Variants in EYA3 observed in about 807,000 individuals in gnomAD.
EYA3 encodes the protein protein phosphatase EYA3.
Under a neutral mutation model 80.0 loss-of-function variants are expected in EYA3, and 39 were observed. The observed-to-expected ratio is 0.49, with a 90% CI of 0.38 to 0.64. EYA3 has a LOEUF of 0.64. Ranked by LOEUF, EYA3 falls within the 30% of genes least tolerant of loss-of-function variation. EYA3 has a pLI of 0.00. For synonymous variants in EYA3, 206 were observed against 232.8 expected, an observed-to-expected ratio of 0.88 and a Z score of 1.05; for missense variants, 523 against 676.1, an observed-to-expected ratio of 0.77 and a Z score of 2.51.
intron 14 of EYA3, among the ~76,000 whole-genome samples, chr1:27,992,107 T>C (rs1215596106): frequency 2.6e-5 from 4 of 152,144 alleles, no homozygotes; most frequent in Admixed American, 2.6e-4. Flanking sequence ...TGAACCAAAT[T>C]GATCTGTAAA....
At chr1:28,022,537 G>T (rs1397193850) in intron 7 of EYA3, among the ~76,000 whole-genome samples, 1 of 152,136 alleles carries the variant, frequency 6.6e-6, no homozygotes, top group African/African-American at 2.4e-5. Flanking sequence ...CAGAGCTCAA[G>T]AAATCAGTAA....
chr1:28,031,612 T>A (rs926679754), intron 6 of EYA3, among the ~76,000 whole-genome samples: 1 of 152,200 alleles, frequency 6.6e-6, no homozygotes, highest in African/African-American at 2.4e-5. Flanking sequence ...ATCAGTTCAA[T>A]TTATAGTAAC....
At chr1:28,001,493 A>C (rs1021027113) in intron 11 of EYA3, among the ~76,000 whole-genome samples, 1 of 144,328 alleles carries the variant, frequency 6.9e-6, no homozygotes, top group Non-Finnish European at 1.5e-5. Context: ...TCACGCCTGT[A>C]ATCGCAGCAC....
intron 1 of EYA3, among the ~76,000 whole-genome samples, chr1:28,078,213 T>C (rs1330137791): frequency 6.6e-6 from 1 of 152,226 alleles, no homozygotes; most frequent in Non-Finnish European, 1.5e-5. Context: ...ATTAAAACTA[T>C]TAAGATTACG....
chr1:28,039,013 C>T, intron 4 of EYA3, 108 bp from the exon 5 acceptor site: 4 of 581,324 alleles, frequency 6.9e-6, no homozygotes, highest in Admixed American at 2.8e-5. Flanking sequence ...TAACAGAATA[C>T]AGCTTGGACA....
chr1:27,996,063 G>A (rs542707584), intron 13 of EYA3, among the ~76,000 whole-genome samples: 15 of 152,214 alleles, frequency 9.9e-5, no homozygotes, highest in African/African-American at 3.6e-4. Flanking sequence ...AGTAGAGACG[G>A]GGTTTCGCCA....
intron 1 of EYA3, among the ~76,000 whole-genome samples, chr1:28,084,951 A>G (rs1645598281): frequency 6.6e-6 from 1 of 152,086 alleles, no homozygotes; most frequent in Non-Finnish European, 1.5e-5. Context: ...TACATGAGCT[A>G]AAGTATCCTG....
chr1:28,053,264 C>T (rs896429598), intron 2 of EYA3, among the ~76,000 whole-genome samples: 53 of 151,158 alleles, frequency 3.5e-4, no homozygotes, highest in African/African-American at 1.2e-3. Flanking sequence ...AACTACTGCA[C>T]TGTATACGCT....
intron 16 of EYA3, among the ~76,000 whole-genome samples, chr1:27,981,809 T>C (rs1639324245): frequency 6.6e-6 from 1 of 151,782 alleles, no homozygotes; most frequent in Admixed American, 6.6e-5. Context: ...AACGAAGCTT[T>C]GTAAAATCTT....
intron 1 of EYA3, among the ~76,000 whole-genome samples, chr1:28,088,093 C>T (rs1224840458): frequency 6.6e-6 from 1 of 152,140 alleles, no homozygotes; most frequent in African/African-American, 2.4e-5. Flanking sequence ...TAGGGAGAGG[C>T]TCAGTTTCTC....
intron 10 of EYA3, among the ~76,000 whole-genome samples, chr1:28,007,239 C>T (rs1322757014): frequency 1.3e-5 from 2 of 151,394 alleles, no homozygotes; most frequent in Non-Finnish European, 2.9e-5. Context: ...TGTCCCTGGC[C>T]GATGTGATCT....
intron 11 of EYA3, among the ~76,000 whole-genome samples, chr1:28,002,768 C>T (rs1053465680): frequency 2.6e-5 from 4 of 151,744 alleles, no homozygotes; most frequent in East Asian, 1.9e-4. Context: ...GCTGTGTTTG[C>T]GCCACTGTAC....
intron 3 of EYA3, among the ~76,000 whole-genome samples, chr1:28,048,038 G>T (rs1479006335): frequency 6.6e-6 from 1 of 151,918 alleles, no homozygotes; most frequent in African/African-American, 2.4e-5. Context: ...TATTTATTTC[G>T]CTTATGCTTC....
chr1:28,027,658 A>G (rs1642865195), intron 7 of EYA3, 131 bp downstream of exon 7: 1 of 1,172,042 alleles, frequency 8.5e-7, no homozygotes, highest in Admixed American at 2.2e-5. Context: ...AAATCCAAGT[A>G]TCACCCCCTT....
intron 7 of EYA3, among the ~76,000 whole-genome samples, chr1:28,027,555 C>T (rs1259289254): frequency 6.6e-6 from 1 of 152,020 alleles, no homozygotes; most frequent in African/African-American, 2.4e-5. Flanking sequence ...AAAGGGAAGG[C>T]TTCAATTCTA....
Position 28,051,161 on chromosome 1 carries a change from T to C in EYA3, c.34-2735A>G, listed in dbSNP as rs555267872. Among the ~76,000 whole-genome samples the C allele has an allele frequency of 2.6e-4, 39 of 152,212 alleles. No homozygotes were observed. The South Asian group carries it at 7.7e-3, about 30-fold the overall frequency. ...AAGAAAGCAATAAAGCTGAAAAAGCTCCGTTAGGGTTAAAAGTGAAAAAAT... is the reference window on the plus strand; with the variant it reads ...AAGAAAGCAATAAAGCTGAAAAAGCCCCGTTAGGGTTAAAAGTGAAAAAAT... On this transcript the variant is annotated intron_variant, in intron 2 of 17. Coordinates refer to ENST00000373871, the MANE Select transcript of EYA3 (RefSeq NM_001990.4).
At chr1:28,057,939 C>G in intron 2 of EYA3, 55 bp downstream of exon 2, 1 of 1,036,096 alleles carries the variant, frequency 9.7e-7, no homozygotes, top group East Asian at 2.5e-5. Context: ...TAATTAAAAT[C>G]TCTTAAGATT....
In EYA3 at chr1:28,025,657, C is replaced by T. The variant is rs183649733; in HGVS notation, c.499+2132G>A. ...TCATTAATAGCAAAATGAAGGAAAC[C>T]GGGTTAGCCAATCCAAAGGAAAAAA... is the stretch of plus-strand genomic sequence containing the variant. On this transcript the variant is annotated intron_variant, in intron 7 of 17. Transcript: ENST00000373871. 2.0e-3 allele frequency among the ~76,000 whole-genome samples: 303 copies of T among 152,210 alleles called. 2 individuals carry two copies. The highest frequency in any genetic ancestry group is 0.018 in the Admixed American group (275 of 15,298).
At chr1:28,033,441 A>T (rs1643262273) in intron 6 of EYA3, among the ~76,000 whole-genome samples, 1 of 152,090 alleles carries the variant, frequency 6.6e-6, no homozygotes, top group East Asian at 1.9e-4. Context: ...GTCAAATTTA[A>T]GCTAATGATT....
Sources: gnomAD v4.1 joint callset for allele counts (sites outside exome capture counted in the v4.1 genomes callset) on GRCh38, gnomAD v4.1.1 for gene constraint, MANE v1.5 for transcripts, NCBI Gene and HGNC (gene_info 2026-07-23, HGNC 2026-07-21) for gene names.